Variants in SPESP1 observed in about 807,000 individuals in gnomAD.
SPESP1 encodes equatorial segment protein.
SPESP1 carries 1 observed loss-of-function variant against 3.1 expected under a neutral mutation model. The observed-to-expected ratio is 0.33, with a 90% CI of 0.12 to 1.54. SPESP1 has a LOEUF of 1.54. SPESP1 is among the 40% of genes most tolerant of loss of function. SPESP1 has a pLI of 0.38. For synonymous variants in SPESP1, 138 were observed against 150.7 expected (o/e 0.92, Z 0.62); for missense variants, 398 against 410.1 (o/e 0.97, Z 0.26).
chr15:68,931,339 C>G (rs1324185077), intron 1 of SPESP1, among the ~76,000 whole-genome samples: 1 of 151,172 alleles, frequency 6.6e-6, no homozygotes, highest in Non-Finnish European at 1.5e-5. Flanking sequence ...AAGCATGACG[C>G]TCACATTTCA....
At chr15:68,933,360 T>A (rs969231897) in intron 1 of SPESP1, among the ~76,000 whole-genome samples, 7 of 151,234 alleles carry the variant, frequency 4.6e-5, no homozygotes, top group Non-Finnish European at 1.0e-4. Context: ...CACACACACA[T>A]CCTGATGGTG....
chr15:68,933,675 A>G lies in SPESP1; in HGVS notation c.64+2958A>G, dbSNP rs1203310935. On this transcript the variant is annotated intron_variant, in intron 1 of 1. Transcript: ENST00000310673. ...GAAATTCAAGACCAGGCTGGGCAAC[A>G]TGGCGAAACCCCGTCTTTACAAAAA... is the stretch of plus-strand genomic sequence containing the variant. Among the ~76,000 whole-genome samples the G allele has an allele frequency of 5.3e-5, 8 of 152,094 alleles. No homozygotes were observed. In the East Asian group the frequency reaches 1.5e-3, roughly 29 times the overall value.
chr15:68,934,003 TAATTAA>T (rs1407281950), intron 1 of SPESP1, among the ~76,000 whole-genome samples: 2 of 152,068 alleles, frequency 1.3e-5, no homozygotes, highest in Non-Finnish European at 2.9e-5. Context: ...CAGTGCAAAC[TAATTAA>T]AATTAAAGTG....
chr15:68,930,723 T>C lies in SPESP1; in HGVS notation c.64+6T>C. 6.2e-7 allele frequency: 1 copy of C among 1,613,828 alleles called. No individual in the cohort carries two copies. Among genetic ancestry groups the C allele is most frequent in the South Asian group, 1.1e-5 (1 of 91,080 alleles). On this transcript the variant is annotated splice_donor_region_variant and intron_variant, in intron 1 of 1. Transcript: ENST00000310673. ...GTCTGTGCCGGCTTATCCGAGTGAGTGACGGGCCTGAGGAGGCAGCGGACC... is the reference window on the plus strand; with the variant it reads ...GTCTGTGCCGGCTTATCCGAGTGAGCGACGGGCCTGAGGAGGCAGCGGACC...
At chr15:68,930,804 T>G (rs528129024) in intron 1 of SPESP1, 87 bp downstream of exon 1, 189 of 1,595,044 alleles carry the variant, frequency 1.2e-4, no homozygotes, top group African/African-American at 1.2e-3. Flanking sequence ...TGGCCCTTCC[T>G]TCTCCCTGGT....
intron 1 of SPESP1, among the ~76,000 whole-genome samples, chr15:68,931,459 T>A (rs1412732805): frequency 6.6e-6 from 1 of 152,040 alleles, no homozygotes; most frequent in Non-Finnish European, 1.5e-5. Flanking sequence ...TGCCACACAG[T>A]CTGGTCTGCA....
At chr15:68,935,948 G>A (rs1895670534) in intron 1 of SPESP1, among the ~76,000 whole-genome samples, 1 of 152,174 alleles carries the variant, frequency 6.6e-6, no homozygotes, top group Non-Finnish European at 1.5e-5. Context: ...ATTTGAAGGT[G>A]TTGGATATTT....
Position 68,943,750 on chromosome 15 carries a change from G to T in SPESP1, c.65-1849G>T, listed in dbSNP as rs75214436. Among the ~76,000 whole-genome samples the T allele has an allele frequency of 6.9e-3, 1,055 of 152,054 alleles. 16 individuals are homozygous for T. Among genetic ancestry groups the T allele is most frequent in the African/African-American group, 0.024 (996 of 41,504 alleles). ...CTCTCTGTGAATAAAGTAGGAATAT[G>T]CTAGCAGTACGAAAGAGATTTTGTA... On this transcript the variant is annotated intron_variant, in intron 1 of 1. Coordinates refer to ENST00000310673, the MANE Select transcript of SPESP1 (RefSeq NM_145658.4).
chr15:68,937,971 TTATC>T lies in SPESP1; in HGVS notation c.64+7258_64+7261del, dbSNP rs1334764203. ...GAGTGAAGTTTTAAATTTTATTTAT[TTATC>T]TATTATTTTATTTTATTTTTTTGAA... On this transcript the variant is annotated intron_variant, in intron 1 of 1. Coordinates refer to ENST00000310673, the MANE Select transcript of SPESP1 (RefSeq NM_145658.4). 8.5e-5 allele frequency among the ~76,000 whole-genome samples: 13 copies of T among 152,198 alleles called. No individual in the cohort carries two copies. In the South Asian group the frequency reaches 2.7e-3, roughly 32 times the overall value.
rs1895719258 is a variant in SPESP1 at position 68,937,697 on chromosome 15, C to T, written c.64+6980C>T. Among the ~76,000 whole-genome samples, 5 of 152,118 alleles carry T rather than the reference C, an allele frequency of 3.3e-5. No homozygotes were observed. In the South Asian group the frequency reaches 1.0e-3, roughly 32 times the overall value. On this transcript the variant is annotated intron_variant, in intron 1 of 1. Coordinates refer to ENST00000310673, the MANE Select transcript of SPESP1 (RefSeq NM_145658.4). ...GATATGGGAAATGGGTTTTATTGTT[C>T]TCCTCTCTGGGTAGGAGGGAACTTA...
intron 1 of SPESP1, among the ~76,000 whole-genome samples, chr15:68,943,395 A>C (rs1357230658): frequency 6.6e-6 from 1 of 152,156 alleles, no homozygotes; most frequent in East Asian, 1.9e-4. Context: ...GCATTACATA[A>C]AATGCAGAAT....
intron 1 of SPESP1, among the ~76,000 whole-genome samples, chr15:68,936,947 A>G: frequency 6.6e-6 from 1 of 152,156 alleles, no homozygotes; most frequent in South Asian, 2.1e-4. Context: ...GAAATTTAGA[A>G]AGACGTAGTA....
At chr15:68,938,544 A>G (rs1895739636) in intron 1 of SPESP1, among the ~76,000 whole-genome samples, 1 of 152,186 alleles carries the variant, frequency 6.6e-6, no homozygotes, top group Admixed American at 6.6e-5. Context: ...ATTTAATTTT[A>G]ATATTTACAT....
At position 68,937,853 on chromosome 15, in the gene SPESP1, AG is replaced by A. The variant is rs574044362; in HGVS notation, c.64+7137del. On this transcript the variant is annotated intron_variant, in intron 1 of 1. Transcript: ENST00000310673. ...CTTTTATGAACAATGAATTTTAGCA[AG>A]TTTTCATGCAAATTGGCTTTTATGT... Among the ~76,000 whole-genome samples the A allele has an allele frequency of 9.8e-5, 15 of 152,290 alleles. No homozygotes were observed. The South Asian group carries it at 3.1e-3, about 32-fold the overall frequency.
Position 68,930,674 on chromosome 15 carries a change from A to C in SPESP1, c.21A>C (p.Leu7=), listed in dbSNP as rs1346613202. Residue 7 remains leucine, a synonymous_variant, in exon 1 of 2, where the codon CTA becomes CTC. Coordinates refer to ENST00000310673, the MANE Select transcript of SPESP1 (RefSeq NM_145658.4). Reference sequence around the variant, plus strand: ...CGCCTATGAAGCCCTTAGTCCTTCTAGTTGCGCTTTTGCTATGGCCTTCGT... The same window carrying C: ...CGCCTATGAAGCCCTTAGTCCTTCTCGTTGCGCTTTTGCTATGGCCTTCGT... MKPLVL[L]VALLLWPSSV... is the part of the protein sequence containing the mutation. The C allele has an allele frequency of 6.2e-7, 1 of 1,613,874 alleles. No homozygotes were observed. The highest frequency in any genetic ancestry group is 1.7e-5 in the Admixed American group (1 of 60,026).
intron 1 of SPESP1, among the ~76,000 whole-genome samples, chr15:68,938,475 G>A (rs765894142): frequency 1.1e-4 from 16 of 151,780 alleles, no homozygotes; most frequent in East Asian, 1.9e-4. Flanking sequence ...CTTAATATGC[G>A]AAAGGGATGC....
At chr15:68,930,754 C>T (rs1184043102) in intron 1 of SPESP1, 37 bp downstream of exon 1, 1 of 1,613,228 alleles carries the variant, frequency 6.2e-7, no homozygotes. Flanking sequence ...GGACCGGGGA[C>T]ACCCTGGGGG....
chr15:68,945,125 T>A (rs1470281787), intron 1 of SPESP1, among the ~76,000 whole-genome samples: 3 of 152,220 alleles, frequency 2.0e-5, no homozygotes, highest in Non-Finnish European at 4.4e-5. Context: ...TTACCTTTGC[T>A]TTTAATATAA....
intron 1 of SPESP1, among the ~76,000 whole-genome samples, chr15:68,932,722 C>G (rs1895581598): frequency 6.6e-6 from 1 of 152,048 alleles, no homozygotes; most frequent in African/African-American, 2.4e-5. Flanking sequence ...ACCCTATTCC[C>G]TAATCTTTCT....
Sources: gnomAD v4.1 joint callset for allele counts (sites outside exome capture counted in the v4.1 genomes callset) on GRCh38, gnomAD v4.1.1 for gene constraint, MANE v1.5 for transcripts, NCBI Gene and HGNC (gene_info 2026-07-23, HGNC 2026-07-21) for gene names.